Variants in DHRSX observed in about 807,000 individuals in gnomAD.
The protein encoded by DHRSX is polyprenol dehydrogenase.
A neutral mutation model predicts 34.0 loss-of-function variants in DHRSX; 31 were observed. That is an observed-to-expected ratio of 0.91 (90% CI 0.69 to 1.23). The LOEUF (loss-of-function observed/expected upper bound fraction) is 1.23. Ranked by LOEUF, DHRSX falls within the 50% of genes most tolerant of loss-of-function variation. The pLI, the probability that DHRSX is intolerant of heterozygous loss-of-function variation, is 0.00. For missense variants in DHRSX, 414 were observed against 428.1 expected, an observed-to-expected ratio of 0.97 and a Z score of 0.29; for synonymous variants, 201 against 183.8, an observed-to-expected ratio of 1.09 and a Z score of -0.76.
intron 1 of DHRSX, among the ~76,000 whole-genome samples, chrX:2,471,150 G>A (rs1050484507): frequency 6.6e-6 from 1 of 152,016 alleles, no homozygotes; most frequent in Non-Finnish European, 1.5e-5. Flanking sequence ...AACAAAACAA[G>A]TCCCAGTTTC....
chrX:2,228,688 A>G (rs954981343), intron 6 of DHRSX, among the ~76,000 whole-genome samples: 2 of 151,926 alleles, frequency 1.3e-5, no homozygotes, highest in Admixed American at 6.6e-5. Context: ...GATATTGTGA[A>G]TTTGAAATAG....
Position 2,479,786 on chromosome X carries a change from G to A in DHRSX, c.109+21031C>T, listed in dbSNP as rs577395555. 1.7e-4 allele frequency among the ~76,000 whole-genome samples: 26 copies of A among 151,246 alleles called. No individual in the cohort carries two copies. The South Asian group carries it at 5.2e-3, about 30-fold the overall frequency. The stretch of plus-strand genomic sequence containing the variant: ...GTGGCCAATGGACCACACTGTAGAC[G>A]TTCCCTAAGCATGCAGCAAAGGGAC... On this transcript the variant is annotated intron_variant, in intron 1 of 6. Transcript: ENST00000334651.
chrX:2,367,938 T>C (rs1438447822), intron 3 of DHRSX, among the ~76,000 whole-genome samples: 2 of 152,004 alleles, frequency 1.3e-5, no homozygotes, highest in Non-Finnish European at 2.9e-5. Flanking sequence ...CTTACGGGTA[T>C]TTACTCATTA....
At chrX:2,250,676 A>G (rs1235981562) in intron 5 of DHRSX, among the ~76,000 whole-genome samples, 1 of 152,022 alleles carries the variant, frequency 6.6e-6, no homozygotes, top group African/African-American at 2.4e-5. Flanking sequence ...CTTTACCACA[A>G]CCTGGTTTAT....
At chrX:2,256,897 T>G (rs1355889906) in intron 5 of DHRSX, among the ~76,000 whole-genome samples, 1 of 152,036 alleles carries the variant, frequency 6.6e-6, no homozygotes, top group East Asian at 1.9e-4. Flanking sequence ...TCTCCAAACT[T>G]CGGGTTTAGG....
Position 2,220,672 on chromosome X carries a change from A to T in DHRSX, c.*369T>A. 1 of 218,334 alleles carries T rather than the reference A, an allele frequency of 4.6e-6. No individual in the cohort carries two copies. 13.5% of individuals were successfully genotyped at this position (218,334 alleles called of 1,614,324 possible). A position where few individuals can be genotyped will look rare whatever the true frequency, so the allele number is the denominator to read the frequency against. ...GAGACCTCATCCACCACTAGGTCTC[A>T]GAGAGGACATTGCAGCCCCTGAAAA... On this transcript the variant is annotated 3_prime_UTR_variant, in exon 7 of 7. Transcript: ENST00000334651.
chrX:2,338,204 G>A (rs1248820498), intron 3 of DHRSX, among the ~76,000 whole-genome samples: 14 of 151,526 alleles, frequency 9.2e-5, no homozygotes, highest in East Asian at 5.9e-4. Flanking sequence ...ATGGTGGTGC[G>A]CGCCTGTAAT....
At chrX:2,485,081 G>C (rs1429367565) in intron 1 of DHRSX, among the ~76,000 whole-genome samples, 1 of 152,190 alleles carries the variant, frequency 6.6e-6, no homozygotes, top group African/African-American at 2.4e-5. Flanking sequence ...CCAGCTCAGA[G>C]TTAGGGCTGT....
intron 4 of DHRSX, among the ~76,000 whole-genome samples, chrX:2,269,084 CAT>C (rs2041513762): frequency 3.3e-5 from 5 of 152,320 alleles, no homozygotes; most frequent in South Asian, 4.1e-4. Context: ...TGCATGTGTA[CAT>C]ATCTTTCTAT....
At chrX:2,274,806 C>T (rs1157273523) in intron 4 of DHRSX, among the ~76,000 whole-genome samples, 2 of 152,092 alleles carry the variant, frequency 1.3e-5, no homozygotes, top group East Asian at 3.9e-4. Flanking sequence ...CTGATATTTA[C>T]GGAACGAAAG....
intron 4 of DHRSX, among the ~76,000 whole-genome samples, chrX:2,285,615 T>G (rs1274186610): frequency 6.6e-6 from 1 of 152,154 alleles, no homozygotes; most frequent in Non-Finnish European, 1.5e-5. Flanking sequence ...GGCCATGGAC[T>G]GGTACTATGA....
At chrX:2,345,834 C>G (rs752426269) in intron 3 of DHRSX, among the ~76,000 whole-genome samples, 28 of 152,280 alleles carry the variant, frequency 1.8e-4, no homozygotes, top group African/African-American at 6.5e-4. Context: ...ACATCATCAG[C>G]TCCTCCCTGG....
At chrX:2,437,189 T>C (rs1262115560) in intron 1 of DHRSX, among the ~76,000 whole-genome samples, 5 of 152,080 alleles carry the variant, frequency 3.3e-5, no homozygotes, top group Non-Finnish European at 5.9e-5. Flanking sequence ...TTAGTAGAGA[T>C]GGAGTTTCAC....
intron 3 of DHRSX, among the ~76,000 whole-genome samples, chrX:2,303,974 T>C (rs1002541787): frequency 1.4e-5 from 2 of 141,946 alleles, no homozygotes; most frequent in Non-Finnish European, 3.0e-5. Context: ...CATGAGAGGA[T>C]GGGTGAGTGG....
Position 2,229,067 on chromosome X carries a change from C to T in DHRSX, c.805-7838G>A, listed in dbSNP as rs1227670041. 2.0e-5 allele frequency among the ~76,000 whole-genome samples: 3 copies of T among 152,172 alleles called. No individual in the cohort carries two copies. In the East Asian group the frequency reaches 5.8e-4, roughly 29 times the overall value. On this transcript the variant is annotated intron_variant, in intron 6 of 6. Coordinates refer to ENST00000334651, the MANE Select transcript of DHRSX (RefSeq NM_145177.3). ...TCTGCAAGGCACGCAGAGGCTCGTT[C>T]GCCTTCTGGAAATGTTGCTATTTGA...
At chrX:2,253,510 A>AGGCGGACAT (rs2016491157) in intron 5 of DHRSX, among the ~76,000 whole-genome samples, 1 of 152,066 alleles carries the variant, frequency 6.6e-6, no homozygotes, top group African/African-American at 2.4e-5. Context: ...CCAGCCTGGG[A>AGGCGGACAT]GGCGGACATG....
intron 3 of DHRSX, among the ~76,000 whole-genome samples, chrX:2,395,904 C>G (rs560770647): frequency 1.3e-5 from 2 of 152,132 alleles, no homozygotes; most frequent in Admixed American, 6.6e-5. Flanking sequence ...TGTCTCTACT[C>G]GTCTCCCGAG....
intron 3 of DHRSX, among the ~76,000 whole-genome samples, chrX:2,387,197 C>A (rs1026637548): frequency 6.6e-6 from 1 of 152,060 alleles, no homozygotes; most frequent in Non-Finnish European, 1.5e-5. Flanking sequence ...TGAGTTTGGG[C>A]ACTGGGAAAC....
At chrX:2,229,105 T>C (rs745709477) in intron 6 of DHRSX, among the ~76,000 whole-genome samples, 74 of 152,250 alleles carry the variant, frequency 4.9e-4, no homozygotes, top group African/African-American at 1.8e-3. Flanking sequence ...GCAGACGCTG[T>C]TAGTAGATCC....
Sources: allele counts gnomAD v4.1 joint callset (sites outside exome capture counted in the v4.1 genomes callset), GRCh38; gene constraint gnomAD v4.1.1; transcripts MANE v1.5; gene names NCBI Gene and HGNC (gene_info 2026-07-23, HGNC 2026-07-21).